Variants in DRC11 observed in about 807,000 individuals in gnomAD.
DRC11 encodes IQ and AAA domain-containing protein 1.
the DRC11 span, among the ~76,000 whole-genome samples, chr2:236,467,578 G>A: frequency 2.6e-4 from 39 of 152,120 alleles, no homozygotes; most frequent in East Asian, 1.5e-3. Flanking sequence ...TCACTATGGC[G>A]AACACTGTTG....
At chr2:236,364,764 TGTTA>T in the DRC11 span, among the ~76,000 whole-genome samples, 1 of 152,112 alleles carries the variant, frequency 6.6e-6, no homozygotes, top group Non-Finnish European at 1.5e-5. Flanking sequence ...TTTACTATCA[TGTTA>T]GTTTGCGTTC....
the DRC11 span, among the ~76,000 whole-genome samples, chr2:236,443,469 T>C: frequency 6.6e-6 from 1 of 152,182 alleles, no homozygotes; most frequent in Non-Finnish European, 1.5e-5. This position sits in a 1 kb window ranked among gnomAD's most constrained non-coding sequence, Gnocchi z 4.4. Flanking sequence ...CACATATAAG[T>C]GAGAACATGC....
the DRC11 span, among the ~76,000 whole-genome samples, chr2:236,328,035 T>C: frequency 6.6e-6 from 1 of 152,212 alleles, no homozygotes; most frequent in Admixed American, 6.5e-5. This position sits in a 1 kb window ranked among gnomAD's most constrained non-coding sequence, Gnocchi z 6.7. Flanking sequence ...CCCTAATGTT[T>C]CTGGTCTTTA....
At chr2:236,353,152 A>G in the DRC11 span, among the ~76,000 whole-genome samples, 1 of 152,238 alleles carries the variant, frequency 6.6e-6, no homozygotes, top group Non-Finnish European at 1.5e-5. This position sits in a 1 kb window ranked among gnomAD's most constrained non-coding sequence, Gnocchi z 5.0. Context: ...TTACCCACAG[A>G]TAGTTTGAGG....
At chr2:236,417,525 C>T in the DRC11 span, among the ~76,000 whole-genome samples, 1 of 151,710 alleles carries the variant, frequency 6.6e-6, no homozygotes, top group African/African-American at 2.4e-5. Context: ...CTCTGAAGAG[C>T]TGATGCAGAC....
At chr2:236,340,426 A>G in the DRC11 span, among the ~76,000 whole-genome samples, 1 of 152,290 alleles carries the variant, frequency 6.6e-6, no homozygotes, top group South Asian at 2.1e-4. Flanking sequence ...GCCTGGCCCT[A>G]AGAACTTTGT....
chr2:236,463,140 T>C, the DRC11 span, among the ~76,000 whole-genome samples: 1 of 152,220 alleles, frequency 6.6e-6, no homozygotes, highest in African/African-American at 2.4e-5. This position sits in a 1 kb window ranked among gnomAD's most constrained non-coding sequence, Gnocchi z 5.0. Flanking sequence ...CTAACATTAC[T>C]ATGATATATT....
At chr2:236,316,678 AC>A in the DRC11 span, among the ~76,000 whole-genome samples, 1 of 152,212 alleles carries the variant, frequency 6.6e-6, no homozygotes, top group African/African-American at 2.4e-5. This position sits in a 1 kb window ranked among gnomAD's most constrained non-coding sequence, Gnocchi z 6.8. Context: ...AAGATGTGCA[AC>A]CCCAGTAGTC....
At chr2:236,392,083 C>T in the DRC11 span, 1 of 1,610,704 alleles carries the variant, frequency 6.2e-7, no homozygotes, top group Non-Finnish European at 8.5e-7. The surrounding 1 kb of genome is among the most constrained non-coding windows in gnomAD (Gnocchi z 5.1). Context: ...TAGGAGAATA[C>T]AAAACATACT....
the DRC11 span, among the ~76,000 whole-genome samples, chr2:236,397,199 C>T: frequency 1.3e-5 from 2 of 152,246 alleles, no homozygotes; most frequent in Non-Finnish European, 2.9e-5. This position sits in a 1 kb window ranked among gnomAD's most constrained non-coding sequence, Gnocchi z 5.0. Context: ...ATATAACATG[C>T]TCATATGCTA....
At chr2:236,320,230 G>A in the DRC11 span, among the ~76,000 whole-genome samples, 134 of 152,310 alleles carry the variant, frequency 8.8e-4, 1 homozygote, top group Admixed American at 3.1e-3. Context: ...TTGCTGGGGC[G>A]GCTGCCAGCT....
At chr2:236,356,256 C>T in the DRC11 span, among the ~76,000 whole-genome samples, 1 of 152,252 alleles carries the variant, frequency 6.6e-6, no homozygotes, top group Admixed American at 6.5e-5. Context: ...TCCCTGCGCC[C>T]TGCCCTGGCC....
the DRC11 span, among the ~76,000 whole-genome samples, chr2:236,437,353 T>C: frequency 6.8e-6 from 1 of 146,964 alleles, no homozygotes; most frequent in African/African-American, 2.6e-5. Context: ...GTTGGACATT[T>C]GGGTTGGTTC....
the DRC11 span, chr2:236,399,295 AT>A: frequency 3.4e-6 from 3 of 894,888 alleles, no homozygotes; most frequent in Non-Finnish European, 5.4e-6. The surrounding 1 kb of genome is among the most constrained non-coding windows in gnomAD (Gnocchi z 7.0). Flanking sequence ...TGGCCAGGAA[AT>A]TTAAAATAGA....
the DRC11 span, among the ~76,000 whole-genome samples, chr2:236,406,450 T>G: frequency 6.6e-6 from 1 of 152,188 alleles, no homozygotes; most frequent in Non-Finnish European, 1.5e-5. The surrounding 1 kb of genome is among the most constrained non-coding windows in gnomAD (Gnocchi z 4.7). Context: ...AACTGTTAGA[T>G]TTTTTGAAAT....
At chr2:236,423,431 C>T in the DRC11 span, among the ~76,000 whole-genome samples, 1 of 152,118 alleles carries the variant, frequency 6.6e-6, no homozygotes, top group South Asian at 2.1e-4. Context: ...ATTTATGCAG[C>T]CAAACGACAC....
the DRC11 span, among the ~76,000 whole-genome samples, chr2:236,324,993 G>A: frequency 6.6e-6 from 1 of 152,200 alleles, no homozygotes; most frequent in African/African-American, 2.4e-5. This position sits in a 1 kb window ranked among gnomAD's most constrained non-coding sequence, Gnocchi z 5.7. Context: ...ATTTCTGCAT[G>A]ATTTGTTAAC....
the DRC11 span, among the ~76,000 whole-genome samples, chr2:236,479,674 TC>T: frequency 1.3e-5 from 2 of 152,322 alleles, no homozygotes; most frequent in Admixed American, 1.3e-4. This position sits in a 1 kb window ranked among gnomAD's most constrained non-coding sequence, Gnocchi z 4.1. Flanking sequence ...TCAATTTACA[TC>T]TTTTTATATT....
the DRC11 span, among the ~76,000 whole-genome samples, chr2:236,372,298 C>T: frequency 2.6e-5 from 4 of 152,088 alleles, no homozygotes; most frequent in African/African-American, 4.8e-5. This position sits in a 1 kb window ranked among gnomAD's most constrained non-coding sequence, Gnocchi z 4.5. Context: ...TCCTAGGAAA[C>T]GTAGCATTCC....
Sources: allele counts gnomAD v4.1 joint callset (sites outside exome capture counted in the v4.1 genomes callset), GRCh38; gene constraint gnomAD v4.1.1; non-coding constraint Gnocchi (gnomAD v3.1); transcripts MANE v1.5; gene names NCBI Gene and HGNC (gene_info 2026-07-23, HGNC 2026-07-21).